Variants in ACP3 observed in about 807,000 individuals in gnomAD.
ACP3 encodes the protein prostatic acid phosphatase.
ACP3 carries 38 observed loss-of-function variants against 45.6 expected under a neutral mutation model. That is an observed-to-expected ratio of 0.83 (90% confidence interval 0.64 to 1.09). The LOEUF is 1.09. ACP3 is among the 50% of genes least tolerant of loss of function. ACP3 has a pLI of 0.00. For missense variants in ACP3, 466 were observed against 463.2 expected (o/e 1.01, Z -0.05); for synonymous variants, 162 against 164.7 (o/e 0.98, Z 0.13).
At chr3:132,332,052 A>G in intron 3 of ACP3, 140 bp from the exon 4 acceptor site, 6 of 1,017,410 alleles carry the variant, frequency 5.9e-6, no homozygotes, top group Non-Finnish European at 4.3e-6. Flanking sequence ...CTTAACAAGT[A>G]TTATGATTCT....
At chr3:132,331,908 A>C (rs892493653) in intron 3 of ACP3, among the ~76,000 whole-genome samples, 175 bp downstream of exon 3, 8 of 152,224 alleles carry the variant, frequency 5.3e-5, no homozygotes, top group Non-Finnish European at 1.2e-4. Context: ...GAATATGAGT[A>C]ATTTCAAGAT....
chr3:132,363,473 C>G (rs78784954), downstream of ACP3, among the ~76,000 whole-genome samples: 44 of 152,338 alleles, frequency 2.9e-4, no homozygotes, highest in Middle Eastern at 6.8e-3. Flanking sequence ...TAGCCTGTTA[C>G]TAAAGCCTGT....
intron 4 of ACP3, 38 bp from the exon 5 acceptor site, chr3:132,337,418 G>T: frequency 2.9e-6 from 4 of 1,361,110 alleles, no homozygotes; most frequent in South Asian, 1.2e-5. Flanking sequence ...AAGTTTTTCT[G>T]ACTCATAACA....
intron 9 of ACP3, among the ~76,000 whole-genome samples, chr3:132,355,020 C>T (rs1045393705): frequency 4.6e-5 from 7 of 152,204 alleles, no homozygotes; most frequent in Admixed American, 1.3e-4. Flanking sequence ...TAATTTCACA[C>T]TTATCTAACA....
At chr3:132,339,698 C>G (rs1376265215) in intron 5 of ACP3, among the ~76,000 whole-genome samples, 1 of 152,210 alleles carries the variant, frequency 6.6e-6, no homozygotes, top group Non-Finnish European at 1.5e-5. Context: ...ATTCCAGGAA[C>G]CTCTAAGTGT....
Position 132,348,999 on chromosome 3 carries a change from T to TCACACACACACACACACACACACACA in ACP3, c.782-906_782-905insACACACACACACACACACACACACAC, listed in dbSNP as rs3221158. Among the ~76,000 whole-genome samples the TCACACACACACACACACACACACACA allele has an allele frequency of 7.7e-3, 1,125 of 146,922 alleles. 11 individuals are homozygous for TCACACACACACACACACACACACACA. The highest frequency in any genetic ancestry group is 0.021 in the Middle Eastern group (6 of 284). On this transcript the variant is annotated intron_variant, in intron 7 of 9. Coordinates refer to ENST00000336375, the MANE Select transcript of ACP3 (RefSeq NM_001099.5). The stretch of plus-strand genomic sequence containing the variant: ...ATATCAATGCCCTGCTCATTACAAC[T>TCACACACACACACACACACACACACA]CACACACACACACACCCTAACACAC...
rs375281351 is a variant in ACP3 at position 132,340,103 on chromosome 3, C to T, written c.556-2449C>T. On this transcript the variant is annotated intron_variant, in intron 5 of 9. Transcript: ENST00000336375. ...ACCAAGGTGGGTGATCACCTGAGGTCAGGAGTTTGAGACCAGCCTGGCCAA... is the reference window on the plus strand; with the variant it reads ...ACCAAGGTGGGTGATCACCTGAGGTTAGGAGTTTGAGACCAGCCTGGCCAA... 1.1e-4 allele frequency among the ~76,000 whole-genome samples: 17 copies of T among 152,194 alleles called. 2 individuals carry two copies. The highest frequency in any genetic ancestry group is 3.3e-4 in the Admixed American group (5 of 15,284).
At position 132,356,912 on chromosome 3, in the gene ACP3, C is replaced by A; in HGVS notation, c.*34C>A. 1 of 1,581,008 alleles carries A rather than the reference C, an allele frequency of 6.3e-7. No individual in the cohort carries two copies. Among genetic ancestry groups the A allele is most frequent in the Admixed American group, 1.8e-5 (1 of 55,188 alleles). ...GAGATCTCTGTAGAAGGAGTAGCTG[C>A]CCTTTCTCAGGGCAGATGATGCTTT... On this transcript the variant is annotated 3_prime_UTR_variant, in exon 10 of 10. Transcript: ENST00000336375.
intron 5 of ACP3, among the ~76,000 whole-genome samples, chr3:132,342,196 T>C (rs1241684629): frequency 6.6e-6 from 1 of 152,238 alleles, no homozygotes; most frequent in African/African-American, 2.4e-5. Flanking sequence ...CCAGCATCTA[T>C]CTACATTTTA....
Position 132,357,334 on chromosome 3 carries a change from A to AG in ACP3, c.*458dup. On this transcript the variant is annotated 3_prime_UTR_variant, in exon 10 of 10. Coordinates refer to ENST00000336375, the MANE Select transcript of ACP3 (RefSeq NM_001099.5). ...GGAACAAGGAAGGAAAGATGTGAATAGGCTGATGGGCAAAAAACCAATTTA... is the reference window on the plus strand; with the variant it reads ...GGAACAAGGAAGGAAAGATGTGAATAGGGCTGATGGGCAAAAAACCAATTTA... The AG allele has an allele frequency of 1.0e-6, 1 of 985,798 alleles. No individual in the cohort carries two copies. The highest frequency in any genetic ancestry group is 1.2e-6 in the Non-Finnish European group (1 of 830,182). The allele number at this position is 985,798 out of a possible 1,614,324, so 61.1% of individuals were successfully genotyped here. A position where few individuals can be genotyped will look rare whatever the true frequency, so the allele number is the denominator to read the frequency against.
chr3:132,345,450 A>G (rs1326113705), intron 7 of ACP3, among the ~76,000 whole-genome samples: 1 of 152,222 alleles, frequency 6.6e-6, no homozygotes. Flanking sequence ...ATGAAAATCA[A>G]TTGTGTCTTG....
rs536685558 is a variant in ACP3 at position 132,363,928 on chromosome 3, C to T, written c.1139-3776C>T. Among the ~76,000 whole-genome samples, 86 of 152,140 alleles carry T rather than the reference C, an allele frequency of 5.7e-4. No homozygotes were observed. In the South Asian group the frequency reaches 0.017, roughly 30 times the overall value. On this transcript the variant is annotated intron_variant, in intron 10 of 10. Coordinates refer to the ACP3 transcript ENST00000351273. The stretch of plus-strand genomic sequence containing the variant: ...CTCTAGCCTAGGCAATGAAGTGAAA[C>T]TCCATCTCAAAAAATAAATAAATAA...
chr3:132,345,720 G>A (rs1400869959), intron 7 of ACP3, among the ~76,000 whole-genome samples: 1 of 152,084 alleles, frequency 6.6e-6, no homozygotes, highest in Non-Finnish European at 1.5e-5. Flanking sequence ...CTGGCTCTTC[G>A]TAGCACAGGA....
chr3:132,361,525 G>A (rs1217271837), downstream of ACP3, among the ~76,000 whole-genome samples: 1 of 152,170 alleles, frequency 6.6e-6, no homozygotes. Context: ...TGTGAGTAGA[G>A]CTGAAGCAAG....
intron 10 of ACP3, among the ~76,000 whole-genome samples, chr3:132,366,521 G>C (rs1938134873): frequency 6.6e-6 from 1 of 152,126 alleles, no homozygotes; most frequent in Non-Finnish European, 1.5e-5. Context: ...AAGACTCCAA[G>C]AGTTTTATCC....
In ACP3 at chr3:132,356,966, C is replaced by T; in HGVS notation, c.*88C>T. On this transcript the variant is annotated 3_prime_UTR_variant, in exon 10 of 10. Coordinates refer to ENST00000336375, the MANE Select transcript of ACP3 (RefSeq NM_001099.5). ...AACATACTTTGGCCATTACCCCCAG[C>T]TTTGAGGAAAATGGGCTTTGGATGA... is the stretch of plus-strand genomic sequence containing the variant. 6.8e-7 allele frequency: 1 copy of T among 1,477,612 alleles called. No individual in the cohort carries two copies. The highest frequency in any genetic ancestry group is 2.4e-5 in the East Asian group (1 of 40,970). The allele number at this position is 1,477,612 out of a possible 1,614,324, so 91.5% of individuals were successfully genotyped here.
intron 9 of ACP3, 29 bp from the exon 10 acceptor site, chr3:132,356,655 CAG>C (rs1937905501): frequency 6.2e-7 from 1 of 1,612,620 alleles, no homozygotes; most frequent in East Asian, 2.2e-5. Context: ...ACAGAACTAA[CAG>C]AGCTCTCTCC....
rs368638677 is a variant in ACP3 at position 132,340,169 on chromosome 3, G to T, written c.556-2383G>T. The stretch of plus-strand genomic sequence containing the variant: ...TCTCTACTAGAAACACAAAAAATTA[G>T]CCAGGCGTGGTGGCAGGCGCCTGTA... On this transcript the variant is annotated intron_variant, in intron 5 of 9. Coordinates refer to ENST00000336375, the MANE Select transcript of ACP3 (RefSeq NM_001099.5). Among the ~76,000 whole-genome samples the T allele has an allele frequency of 1.1e-4, 17 of 152,132 alleles. 2 individuals are homozygous for T. Among genetic ancestry groups the T allele is most frequent in the Admixed American group, 3.3e-4 (5 of 15,286 alleles).
Position 132,357,743 on chromosome 3 carries a change from T to C in ACP3, c.*865T>C, listed in dbSNP as rs1937941423. 1.2e-5 allele frequency: 12 copies of C among 985,260 alleles called. No individual in the cohort carries two copies. In the South Asian group the frequency reaches 4.2e-4, roughly 35 times the overall value. The allele number at this position is 985,260 out of a possible 1,614,324, so 61.0% of individuals were successfully genotyped here. On this transcript the variant is annotated 3_prime_UTR_variant, in exon 10 of 10. Transcript: ENST00000336375. Reference sequence around the variant, plus strand: ...GTGATAAGAGATGTTGACTCTAAAGTTGATTTAAGGCCAGGCATGGTGGTT... The same window carrying C: ...GTGATAAGAGATGTTGACTCTAAAGCTGATTTAAGGCCAGGCATGGTGGTT...
Sources: gnomAD v4.1 joint callset for allele counts (sites outside exome capture counted in the v4.1 genomes callset) on GRCh38, gnomAD v4.1.1 for gene constraint, MANE v1.5 for transcripts, NCBI Gene and HGNC (gene_info 2026-07-23, HGNC 2026-07-21) for gene names.